The following METTL6 variants were observed in gnomAD, a reference collection of about 807,000 sequenced individuals.
The protein encoded by METTL6 is tRNA N(3)-cytidine methyltransferase METTL6.
Under a neutral mutation model 26.4 loss-of-function variants are expected in METTL6, and 22 were observed. That is an observed-to-expected ratio of 0.83 (90% CI 0.59 to 1.19). The LOEUF is 1.19. Among genes scored for constraint, METTL6 ranks in the 50% most tolerant of loss-of-function variants. The pLI is 0.00. For synonymous variants in METTL6, 109 were observed against 116.2 expected (o/e 0.94, Z 0.40); for missense variants, 304 against 324.8 (o/e 0.94, Z 0.49).
In METTL6 at chr3:15,423,731, A is replaced by C. The variant is rs570435230; in HGVS notation, c.360+1224T>G. Among the ~76,000 whole-genome samples, 12 of 151,466 alleles carry C rather than the reference A, an allele frequency of 7.9e-5. 1 individual carries two copies. The highest frequency in any genetic ancestry group is 2.9e-4 in the African/African-American group (12 of 41,260). On this transcript the variant is annotated intron_variant, in intron 3 of 5. Coordinates refer to ENST00000383790, the MANE Select transcript of METTL6 (RefSeq NM_152396.4). ...CTAAAATAAATAAATAAACAAATAA[A>C]CACTAGCTGGGCACGGTGGCACATG...
At chr3:15,425,277 A>G (rs1052338985) in intron 2 of METTL6, among the ~76,000 whole-genome samples, 188 bp from the exon 3 acceptor site, 6 of 152,146 alleles carry the variant, frequency 3.9e-5, no homozygotes, top group Admixed American at 1.3e-4. Flanking sequence ...GGTGTGGAGG[A>G]AAAAAACAGC....
At chr3:15,403,005 A>G (rs1699690013) in intron 6 of METTL6, among the ~76,000 whole-genome samples, 2 of 152,232 alleles carry the variant, frequency 1.3e-5, no homozygotes, top group African/African-American at 2.4e-5. Flanking sequence ...AAGTTAGTTC[A>G]GGAATGAACA....
At chr3:15,414,193 T>C (rs760570331) in intron 4 of METTL6, 31 bp from the exon 5 acceptor site, 2 of 1,586,588 alleles carry the variant, frequency 1.3e-6, no homozygotes, top group Non-Finnish European at 1.7e-6. Context: ...GAACATGACT[T>C]TGGAGAACCC....
At chr3:15,419,272 C>T (rs1359434964) in intron 3 of METTL6, among the ~76,000 whole-genome samples, 1 of 151,832 alleles carries the variant, frequency 6.6e-6, no homozygotes, top group Non-Finnish European at 1.5e-5. Context: ...AGAATATATC[C>T]TGAAAATAAG....
chr3:15,394,174 A>C (rs1236254692), intron 6 of METTL6, among the ~76,000 whole-genome samples: 3 of 152,184 alleles, frequency 2.0e-5, no homozygotes, highest in South Asian at 2.1e-4. Flanking sequence ...TCAATTTCAG[A>C]TCCTGTTATT....
chr3:15,386,117 T>C (rs1458278161), intron 6 of METTL6, among the ~76,000 whole-genome samples: 1 of 152,224 alleles, frequency 6.6e-6, no homozygotes, highest in Non-Finnish European at 1.5e-5. Flanking sequence ...GGATTATTCA[T>C]GAGTTTTCTG....
intron 3 of METTL6, among the ~76,000 whole-genome samples, chr3:15,417,506 AAGG>A (rs1454633574): frequency 6.9e-6 from 1 of 144,728 alleles, no homozygotes; most frequent in East Asian, 2.0e-4. Flanking sequence ...AAGAATAATA[AAGG>A]AGAAGATACA....
At chr3:15,381,696 G>C (rs1315960154) in exon 7 of METTL6, 4 of 152,118 alleles carry the variant, frequency 2.6e-5, no homozygotes, top group Admixed American at 6.6e-5. Context: ...ATCGCTGCAG[G>C]GGGGTTAGGA....
At chr3:15,402,050 A>G (rs1005808193) in intron 6 of METTL6, among the ~76,000 whole-genome samples, 16 of 152,140 alleles carry the variant, frequency 1.1e-4, no homozygotes, top group Admixed American at 1.0e-3. Flanking sequence ...TCTGGATTGG[A>G]ACCCCTTTCC....
At chr3:15,422,488 G>A (rs1014198710) in intron 3 of METTL6, among the ~76,000 whole-genome samples, 41 of 152,166 alleles carry the variant, frequency 2.7e-4, no homozygotes, top group African/African-American at 9.9e-4. Flanking sequence ...AGCCAGGGGT[G>A]GTAGTATGTG....
intron 6 of METTL6, among the ~76,000 whole-genome samples, chr3:15,394,920 C>G (rs1200505440): frequency 4.7e-4 from 72 of 152,306 alleles, no homozygotes; most frequent in Non-Finnish European, 8.4e-4. Flanking sequence ...TTACTTCCAA[C>G]TATGTGGTCA....
At chr3:15,397,393 T>C (rs2124921143) in intron 6 of METTL6, among the ~76,000 whole-genome samples, 1 of 152,242 alleles carries the variant, frequency 6.6e-6, no homozygotes, top group East Asian at 1.9e-4. Context: ...ACCCCTTTCC[T>C]TGGCTAGGAA....
At chr3:15,384,355 T>C (rs1699138231) in intron 6 of METTL6, 1 of 194,184 alleles carries the variant, frequency 5.1e-6, no homozygotes, top group African/African-American at 2.4e-5. Flanking sequence ...TCACCACACA[T>C]CTGAGAAAAG....
intron 6 of METTL6, among the ~76,000 whole-genome samples, chr3:15,401,324 C>A (rs1043250781): frequency 4.6e-5 from 7 of 152,142 alleles, no homozygotes; most frequent in African/African-American, 1.7e-4. Flanking sequence ...CAGGCGTGAG[C>A]CACCGTGCCC....
Position 15,396,309 on chromosome 3 carries a change from C to T in METTL6, c.*12-12122G>A, listed in dbSNP as rs190895841. Among the ~76,000 whole-genome samples the T allele has an allele frequency of 2.0e-3, 306 of 152,286 alleles. 1 individual carries two copies. The highest frequency in any genetic ancestry group is 6.6e-3 in the African/African-American group (276 of 41,544). On this transcript the variant is annotated intron_variant, in intron 6 of 6. Coordinates refer to the METTL6 transcript ENST00000443029. The stretch of plus-strand genomic sequence containing the variant: ...GCTACTGAGGCTTGTGCATTTGTCA[C>T]GTAGTTCTTGTGCCATGGTTTTCAG...
At position 15,426,310 on chromosome 3, in the gene METTL6, C is replaced by T; in HGVS notation, c.202G>A (p.Glu68Lys). ...KDRHWTTREF[E>K]ELRSCREFED... ...ACCTCTCTACATGATCTTAGCTCCT[C>T]AAACTCTCTGGTGGTCCAGTGTCTG... The change falls in exon 2 of 6, where the codon GAG becomes AAG. Residue 68 changes from glutamate (E) to lysine (K), a missense_variant. By Grantham distance (56) the Glu-to-Lys change is moderately conservative (BLOSUM62 1). Transcript: ENST00000383790. 1 of 1,614,200 alleles carries T rather than the reference C, an allele frequency of 6.2e-7. No individual in the cohort carries two copies. Among genetic ancestry groups the T allele is most frequent in the Non-Finnish European group, 8.5e-7 (1 of 1,180,024 alleles).
chr3:15,425,126 T>C, intron 2 of METTL6, 37 bp from the exon 3 acceptor site: 1 of 1,605,732 alleles, frequency 6.2e-7, no homozygotes, highest in Non-Finnish European at 8.5e-7. Flanking sequence ...GTATATCACA[T>C]TTGCATAATG....
intron 6 of METTL6, among the ~76,000 whole-genome samples, chr3:15,396,379 T>C (rs1267960943): frequency 6.6e-6 from 1 of 152,234 alleles, no homozygotes; most frequent in Non-Finnish European, 1.5e-5. Flanking sequence ...GTTATTCTAG[T>C]TAGCCATTCG....
downstream of METTL6, among the ~76,000 whole-genome samples, chr3:15,408,933 G>C (rs963037840): frequency 6.6e-6 from 1 of 152,158 alleles, no homozygotes; most frequent in Admixed American, 6.5e-5. Flanking sequence ...GAAGCTGGCT[G>C]TGGGATTCAT....
Sources: allele counts gnomAD v4.1 joint callset (sites outside exome capture counted in the v4.1 genomes callset), GRCh38; gene constraint gnomAD v4.1.1; transcripts MANE v1.5; gene names NCBI Gene and HGNC (gene_info 2026-07-23, HGNC 2026-07-21).